STIMATE: variants seen among roughly 807,000 people sequenced by gnomAD.
STIMATE encodes the protein STIM activating enhancer, also known as store-operated calcium entry regulator STIMATE.
Under a neutral mutation model 36.7 loss-of-function variants are expected in STIMATE, and 15 were observed. The observed-to-expected ratio is 0.41, with a 90% CI of 0.27 to 0.63. The LOEUF (loss-of-function observed/expected upper bound fraction) is 0.63. Ranked by LOEUF, STIMATE falls within the 20% of genes least tolerant of loss-of-function variation. The pLI is 0.32. For missense variants in STIMATE, 305 were observed against 397.3 expected, an observed-to-expected ratio of 0.77 and a Z score of 1.98; for synonymous variants, 163 against 162.3, an observed-to-expected ratio of 1.00 and a Z score of -0.03.
chr3:52,875,129 G>C (rs1701479271), intron 1 of STIMATE, among the ~76,000 whole-genome samples: 1 of 152,144 alleles, frequency 6.6e-6, no homozygotes, highest in South Asian at 2.1e-4. Context: ...TATGCTAACA[G>C]GCATAAGCTG....
chr3:52,853,041 G>A (rs1453298442), intron 2 of STIMATE, among the ~76,000 whole-genome samples: 2 of 152,200 alleles, frequency 1.3e-5, no homozygotes, highest in Admixed American at 1.3e-4. Context: ...CTCACAATGA[G>A]CTAAATTATG....
intron 7 of STIMATE, among the ~76,000 whole-genome samples, chr3:52,842,063 A>T (rs996346459): frequency 7.9e-5 from 12 of 152,182 alleles, no homozygotes; most frequent in African/African-American, 2.9e-4. Flanking sequence ...CAATCTTAGA[A>T]CATATTACGG....
chr3:52,869,081 C>T (rs1288781565), intron 1 of STIMATE, among the ~76,000 whole-genome samples: 1 of 152,054 alleles, frequency 6.6e-6, no homozygotes, highest in African/African-American at 2.4e-5. Flanking sequence ...ATTTCCCCTG[C>T]CATCTTGAGG....
intron 1 of STIMATE, among the ~76,000 whole-genome samples, chr3:52,861,597 TA>T (rs1397367720): frequency 6.6e-6 from 1 of 152,180 alleles, no homozygotes; most frequent in Admixed American, 6.5e-5. Flanking sequence ...TCTCCAGGAT[TA>T]AATGAGAAGA....
intron 1 of STIMATE, among the ~76,000 whole-genome samples, chr3:52,889,265 G>C (rs1339593555): frequency 6.6e-6 from 1 of 152,112 alleles, no homozygotes; most frequent in African/African-American, 2.4e-5. Flanking sequence ...CTATAGCAAA[G>C]CCCAACCCCT....
At chr3:52,870,646 G>A (rs1575340541) in intron 1 of STIMATE, among the ~76,000 whole-genome samples, 1 of 151,484 alleles carries the variant, frequency 6.6e-6, no homozygotes, top group Admixed American at 6.5e-5. Context: ...GTCCTGCTGC[G>A]CGGGCAGGGT....
At chr3:52,859,553 T>TTG (rs1363323836) in intron 1 of STIMATE, among the ~76,000 whole-genome samples, 3 of 132,490 alleles carry the variant, frequency 2.3e-5, no homozygotes, top group Non-Finnish European at 3.1e-5. Flanking sequence ...TTTTTTTTTT[T>TTG]GCTGGGCATG....
chr3:52,895,002 G>GGGAC (rs1366902475), intron 1 of STIMATE, among the ~76,000 whole-genome samples: 1 of 152,238 alleles, frequency 6.6e-6, no homozygotes, highest in Non-Finnish European at 1.5e-5. Context: ...GGCTGCGAGG[G>GGGAC]GGACCCTCGT....
intron 4 of STIMATE, 79 bp from the exon 5 acceptor site, chr3:52,845,020 A>C: frequency 6.8e-7 from 1 of 1,463,202 alleles, no homozygotes; most frequent in Non-Finnish European, 9.4e-7. Flanking sequence ...ACTCCCCCAC[A>C]CGCACCCCAG....
intron 1 of STIMATE, among the ~76,000 whole-genome samples, chr3:52,892,484 T>C (rs1379269263): frequency 6.6e-6 from 1 of 152,314 alleles, no homozygotes; most frequent in East Asian, 1.9e-4. Flanking sequence ...GCGTTCTTCC[T>C]TTGCCCATGC....
At chr3:52,847,759 G>A (rs1476762853) in intron 4 of STIMATE, among the ~76,000 whole-genome samples, 1 of 152,126 alleles carries the variant, frequency 6.6e-6, no homozygotes, top group Non-Finnish European at 1.5e-5. Flanking sequence ...GGCTGCAAAT[G>A]GAATTAAGGC....
intron 1 of STIMATE, among the ~76,000 whole-genome samples, chr3:52,856,657 C>T (rs1333062486): frequency 6.6e-6 from 1 of 151,716 alleles, no homozygotes; most frequent in Non-Finnish European, 1.5e-5. Flanking sequence ...GCACTCCTGT[C>T]TGGGCAACAG....
At chr3:52,896,498 G>A (rs1268656022) in intron 1 of STIMATE, among the ~76,000 whole-genome samples, 1 of 152,106 alleles carries the variant, frequency 6.6e-6, no homozygotes, top group African/African-American at 2.4e-5. Flanking sequence ...ATGAGAACAG[G>A]GTGGGGGCTT....
chr3:52,842,982 G>T, intron 6 of STIMATE, 22 bp from the exon 7 acceptor site: 1 of 1,614,048 alleles, frequency 6.2e-7, no homozygotes, highest in Non-Finnish European at 8.5e-7. Flanking sequence ...AAAAGTGCAG[G>T]TTACTTTGGG....
At chr3:52,890,201 C>T (rs1246700458) in intron 1 of STIMATE, among the ~76,000 whole-genome samples, 1 of 152,238 alleles carries the variant, frequency 6.6e-6, no homozygotes, top group African/African-American at 2.4e-5. Flanking sequence ...CAGCCTGTTC[C>T]AGCTGTGAGC....
intron 5 of STIMATE, 110 bp from the exon 6 acceptor site, chr3:52,843,908 C>G: frequency 6.9e-7 from 1 of 1,440,684 alleles, no homozygotes; most frequent in Admixed American, 2.1e-5. Flanking sequence ...AAGACGCTTC[C>G]TCCAAAGCCC....
chr3:52,890,558 C>T (rs932342198), intron 1 of STIMATE, among the ~76,000 whole-genome samples: 108 of 152,264 alleles, frequency 7.1e-4, no homozygotes, highest in African/African-American at 2.5e-3. Flanking sequence ...AGGAGAGCCT[C>T]CCACAAGAAA....
chr3:52,869,425 C>T (rs894687366), intron 1 of STIMATE, among the ~76,000 whole-genome samples: 3 of 152,218 alleles, frequency 2.0e-5, no homozygotes, highest in African/African-American at 4.8e-5. Context: ...ATACTGTCCC[C>T]TTGGCGTGGG....
intron 5 of STIMATE, among the ~76,000 whole-genome samples, chr3:52,844,615 T>C (rs1207576751): frequency 6.6e-6 from 1 of 152,238 alleles, no homozygotes; most frequent in Non-Finnish European, 1.5e-5. Context: ...GTTTTATACA[T>C]CCCAAGGCTT....
Sources: gnomAD v4.1 joint callset for allele counts (sites outside exome capture counted in the v4.1 genomes callset) on GRCh38, gnomAD v4.1.1 for gene constraint, MANE v1.5 for transcripts, NCBI Gene and HGNC (gene_info 2026-07-23, HGNC 2026-07-21) for gene names.